EPYC: variants seen among roughly 807,000 people sequenced by gnomAD.
The protein encoded by EPYC is epiphycan.
In EPYC, 28 loss-of-function variants were observed where a neutral mutation model predicts 30.1. That is an observed-to-expected ratio of 0.93 (90% confidence interval 0.69 to 1.28). EPYC has a LOEUF of 1.28. Ranked by LOEUF, EPYC falls within the 50% of genes most tolerant of loss-of-function variation. EPYC has a pLI of 0.00. For synonymous variants in EPYC, 144 were observed against 141.4 expected (o/e 1.02, Z -0.13); for missense variants, 382 against 383.5 (o/e 1.00, Z 0.03).
chr12:91,002,694 C>T (rs1877860967), intron 1 of EPYC, 116 bp from the exon 2 acceptor site: 1 of 748,090 alleles, frequency 1.3e-6, no homozygotes, highest in Non-Finnish European at 2.1e-6. Flanking sequence ...GGTAGCTTTC[C>T]TTCCATGGAT....
intron 2 of EPYC, among the ~76,000 whole-genome samples, chr12:90,982,160 C>CT (rs762003242): frequency 1.0e-3 from 154 of 152,242 alleles, no homozygotes; most frequent in Non-Finnish European, 2.1e-3. Flanking sequence ...CGCTCCCTAT[C>CT]TGCCATCATC....
intron 6 of EPYC, among the ~76,000 whole-genome samples, chr12:90,964,823 G>T (rs950336477): frequency 1.3e-5 from 2 of 152,104 alleles, no homozygotes; most frequent in African/African-American, 4.8e-5. Flanking sequence ...GGGAAGGAAG[G>T]AGGGAGCAAA....
intron 2 of EPYC, among the ~76,000 whole-genome samples, chr12:90,986,773 G>A (rs1211093709): frequency 6.6e-6 from 1 of 152,168 alleles, no homozygotes; most frequent in Non-Finnish European, 1.5e-5. Context: ...ACAGGACTAT[G>A]AGCTGAATAA....
chr12:90,972,931 A>G lies in EPYC; in HGVS notation c.390T>C (p.Cys130=), dbSNP rs1877090201. 1 of 1,612,814 alleles carries G rather than the reference A, an allele frequency of 6.2e-7. No homozygotes were observed. The highest frequency in any genetic ancestry group is 8.5e-7 in the Non-Finnish European group (1 of 1,178,856). Residue 130 remains cysteine, a synonymous_variant, in exon 4 of 7, where the codon TGT becomes TGC. Coordinates refer to ENST00000261172, the MANE Select transcript of EPYC (RefSeq NM_004950.5). ...GAATAGCATCAAGTTCATGGTCATCACAGTACACGGTGGTACTTATACAAG... is the reference window on the plus strand; with the variant it reads ...GAATAGCATCAAGTTCATGGTCATCGCAGTACACGGTGGTACTTATACAAG... The part of the protein sequence containing the change: ...LCTCISTTVY[C]DDHELDAIPP...
At chr12:90,989,138 T>C (rs1877521600) in intron 2 of EPYC, among the ~76,000 whole-genome samples, 1 of 152,098 alleles carries the variant, frequency 6.6e-6, no homozygotes, top group Non-Finnish European at 1.5e-5. Context: ...GTTTTCATAC[T>C]TGTCAATTTT....
intron 3 of EPYC, among the ~76,000 whole-genome samples, chr12:90,974,385 T>C (rs1384075945): frequency 1.3e-5 from 2 of 151,978 alleles, no homozygotes; most frequent in African/African-American, 4.8e-5. Flanking sequence ...AAGGGAGAAG[T>C]TGGAAGTAAG....
In EPYC at chr12:90,978,188, C is replaced by G. The variant is rs776991646; in HGVS notation, c.240G>C (p.Gln80His). Residue 80 changes from glutamine to histidine, a missense_variant, in exon 3 of 7, where the codon CAG becomes CAC. Coordinates refer to ENST00000261172, the MANE Select transcript of EPYC (RefSeq NM_004950.5). ...LTPPPQPEKAQEEEEEEESTP... is the reference protein window; with the variant it reads ...LTPPPQPEKAHEEEEEEESTP... ...TAGATTCCTCCTCCTCTTCCTCTTC[C>G]TGGGCCTTCTCAGGCTGTGGGGGTG... The G allele has an allele frequency of 2.2e-5, 35 of 1,606,594 alleles. No homozygotes were observed. The highest frequency in any genetic ancestry group is 2.9e-5 in the Non-Finnish European group (34 of 1,176,742).
intron 2 of EPYC, among the ~76,000 whole-genome samples, chr12:90,988,154 A>G (rs1471578365): frequency 6.6e-6 from 1 of 151,806 alleles, no homozygotes; most frequent in African/African-American, 2.4e-5. Flanking sequence ...GTGTAGATAT[A>G]CCTAAGGCCA....
intron 2 of EPYC, among the ~76,000 whole-genome samples, chr12:90,994,236 C>A (rs1409319240): frequency 1.3e-5 from 2 of 152,126 alleles, no homozygotes; most frequent in Non-Finnish European, 2.9e-5. Flanking sequence ...CAAATCGAAT[C>A]CCTTCCTTTA....
chr12:90,992,628 C>T (rs1298870732), intron 2 of EPYC, among the ~76,000 whole-genome samples: 1 of 152,158 alleles, frequency 6.6e-6, no homozygotes, highest in African/African-American at 2.4e-5. Context: ...TCAGGTAAGA[C>T]TGGATGACTG....
In EPYC at chr12:90,964,080, T is replaced by C; in HGVS notation, c.*76A>G. The C allele has an allele frequency of 8.3e-7, 1 of 1,207,140 alleles. No individual in the cohort carries two copies. Among genetic ancestry groups the C allele is most frequent in the Non-Finnish European group, 1.2e-6 (1 of 849,850 alleles). The allele number at this position is 1,207,140 out of a possible 1,614,324, so 74.8% of individuals were successfully genotyped here. A position where few individuals can be genotyped will look rare whatever the true frequency, so the allele number is the denominator to read the frequency against. On this transcript the variant is annotated 3_prime_UTR_variant, in exon 7 of 7. Coordinates refer to ENST00000261172, the MANE Select transcript of EPYC (RefSeq NM_004950.5). ...AGAACACAATCTCAAAGTATCATGCTGAGTTTTGTTTTGGAAGAGAGCAGT... is the reference window on the plus strand; with the variant it reads ...AGAACACAATCTCAAAGTATCATGCCGAGTTTTGTTTTGGAAGAGAGCAGT...
intron 2 of EPYC, among the ~76,000 whole-genome samples, chr12:90,995,673 T>C (rs371509334): frequency 6.6e-6 from 1 of 151,854 alleles, no homozygotes; most frequent in East Asian, 1.9e-4. Flanking sequence ...ATATATAATA[T>C]AAATATAAAG....
At chr12:90,971,007 G>C (rs1877030104) in intron 5 of EPYC, among the ~76,000 whole-genome samples, 1 of 152,178 alleles carries the variant, frequency 6.6e-6, no homozygotes, top group Non-Finnish European at 1.5e-5. Context: ...AAACCTGCTT[G>C]CTTCACATAG....
chr12:90,978,073 T>G lies in EPYC; in HGVS notation c.340+15A>C. ...AAAGTGGACTCAATTGTAATTCTGCTTTGAGGTACCTGACCTTCATTTGTG... is the reference window on the plus strand; with the variant it reads ...AAAGTGGACTCAATTGTAATTCTGCGTTGAGGTACCTGACCTTCATTTGTG... On this transcript the variant is annotated intron_variant, in intron 3 of 6. Transcript: ENST00000261172. 1.3e-6 allele frequency: 2 copies of G among 1,543,086 alleles called. No homozygotes were observed. Among genetic ancestry groups the G allele is most frequent in the Non-Finnish European group, 8.7e-7 (1 of 1,150,122 alleles).
At chr12:90,987,179 A>T (rs1302971447) in intron 2 of EPYC, among the ~76,000 whole-genome samples, 3 of 152,100 alleles carry the variant, frequency 2.0e-5, no homozygotes, top group Non-Finnish European at 4.4e-5. Flanking sequence ...AAGGGTATCA[A>T]CCTAATGGCT....
At chr12:90,996,622 A>T (rs1164804608) in intron 2 of EPYC, among the ~76,000 whole-genome samples, 1 of 152,000 alleles carries the variant, frequency 6.6e-6, no homozygotes, top group Non-Finnish European at 1.5e-5. Flanking sequence ...GTTTTAAAAA[A>T]TTCATCATCT....
intron 2 of EPYC, among the ~76,000 whole-genome samples, chr12:90,994,028 T>C (rs1877644948): frequency 6.6e-6 from 1 of 152,178 alleles, no homozygotes; most frequent in South Asian, 2.1e-4. Context: ...AGATCTCGTA[T>C]ACATATATCT....
rs1459094678 is a variant in EPYC at position 90,978,150 on chromosome 12, A to G, written c.278T>C (p.Ile93Thr). The G allele has an allele frequency of 1.9e-6, 3 of 1,605,922 alleles. No homozygotes were observed. Among genetic ancestry groups the G allele is most frequent in the Middle Eastern group, 1.7e-4 (1 of 6,004 alleles). ...EEEEESTPRL[I>T]DGSSPQEPEF... ...AGGCTCCTGGGGAGAAGAGCCATCAATCAGCCTGGGAGTAGATTCCTCCTC... is the reference window on the plus strand; with the variant it reads ...AGGCTCCTGGGGAGAAGAGCCATCAGTCAGCCTGGGAGTAGATTCCTCCTC... Residue 93 changes from isoleucine (I) to threonine (T), a missense_variant, in exon 3 of 7, where the codon ATT (isoleucine) becomes ACT (threonine). Ile to Thr is a moderately conservative substitution (Grantham distance 89). Transcript: ENST00000261172.
intron 6 of EPYC, among the ~76,000 whole-genome samples, chr12:90,967,353 G>T: frequency 6.6e-6 from 1 of 150,594 alleles, no homozygotes; most frequent in Non-Finnish European, 1.5e-5. Context: ...TTCTATTTTG[G>T]CCCATTAGTG....
Sources: gnomAD v4.1 joint callset for allele counts (sites outside exome capture counted in the v4.1 genomes callset) on GRCh38, gnomAD v4.1.1 for gene constraint, MANE v1.5 for transcripts, NCBI Gene and HGNC (gene_info 2026-07-23, HGNC 2026-07-21) for gene names.